Variants in ATP2B2 observed in about 807,000 individuals in gnomAD.
ATP2B2 encodes the protein plasma membrane calcium-transporting ATPase 2.
In ATP2B2, 15 loss-of-function variants were observed where a neutral mutation model predicts 120.0. That is an observed-to-expected ratio of 0.12 (90% confidence interval 0.08 to 0.19). The LOEUF is 0.19. Among genes scored for constraint, ATP2B2 ranks in the 10% least tolerant of loss-of-function variants. ATP2B2 has a pLI of 1.00. For synonymous variants in ATP2B2, 694 were observed against 700.3 expected (o/e 0.99, Z 0.14); for missense variants, 1,045 against 1,719.8 (o/e 0.61, Z 6.94).
chr3:10,648,089 G>A (rs187589472), intron 1 of ATP2B2, among the ~76,000 whole-genome samples: 2 of 152,304 alleles, frequency 1.3e-5, no homozygotes, highest in East Asian at 1.9e-4. Flanking sequence ...GGAGGAGAAG[G>A]TGATTATTGT....
At chr3:10,584,488 ATGGGCGCTTCTGTACCTGG>A (rs2068462263) in intron 2 of ATP2B2, among the ~76,000 whole-genome samples, 1 of 152,056 alleles carries the variant, frequency 6.6e-6, no homozygotes, top group African/African-American at 2.4e-5. Context: ...CCTCACACCC[ATGGGCGCTTCTGTACCTGG>A]TGGTGAACTG....
intron 2 of ATP2B2, among the ~76,000 whole-genome samples, chr3:10,570,818 C>T (rs1033241016): frequency 4.6e-5 from 7 of 152,240 alleles, no homozygotes; most frequent in African/African-American, 1.7e-4. Flanking sequence ...CGCAGCACCT[C>T]AACGCCCTGC....
chr3:10,452,390 G>A (rs2125195354), intron 1 of ATP2B2, among the ~76,000 whole-genome samples: 1 of 152,352 alleles, frequency 6.6e-6, no homozygotes, highest in East Asian at 1.9e-4. Flanking sequence ...CAGGAGGCAA[G>A]GAGAGACCTC....
At chr3:10,612,514 C>A (rs1165263148) in intron 2 of ATP2B2, among the ~76,000 whole-genome samples, 1 of 152,174 alleles carries the variant, frequency 6.6e-6, no homozygotes, top group Non-Finnish European at 1.5e-5. Flanking sequence ...CTGGCCCTTC[C>A]TCTCCCCACT....
chr3:10,393,411 C>T lies in ATP2B2; in HGVS notation c.782-5009G>A, dbSNP rs73113625. Among the ~76,000 whole-genome samples the T allele has an allele frequency of 3.0e-3, 457 of 152,200 alleles. 4 individuals carry two copies. Among genetic ancestry groups the T allele is most frequent in the African/African-American group, 0.01 (433 of 41,500 alleles). ...ATATCTTTTGAGCATTCATGATGTG[C>T]CAAGTTCCATCTGAGCCACTTTTCG... is the stretch of plus-strand genomic sequence containing the variant. On this transcript the variant is annotated intron_variant, in intron 5 of 22. Coordinates refer to ENST00000360273, the MANE Select transcript of ATP2B2 (RefSeq NM_001001331.4).
At chr3:10,573,521 G>C (rs1416004711) in intron 2 of ATP2B2, among the ~76,000 whole-genome samples, 1 of 152,100 alleles carries the variant, frequency 6.6e-6, no homozygotes, top group African/African-American at 2.4e-5. Flanking sequence ...CTCAAATTTT[G>C]GTCAATTTCA....
chr3:10,505,838 G>A (rs1417950826), upstream of ATP2B2, among the ~76,000 whole-genome samples: 1 of 151,458 alleles, frequency 6.6e-6, no homozygotes, highest in African/African-American at 2.4e-5. Context: ...TGTTGTTTGC[G>A]GTTTTAATTC....
chr3:10,378,619 T>A (rs928329331), intron 9 of ATP2B2, among the ~76,000 whole-genome samples: 4 of 152,182 alleles, frequency 2.6e-5, no homozygotes, highest in Non-Finnish European at 5.9e-5. Flanking sequence ...TGGTACTCGC[T>A]GCCTCAGACC....
intron 12 of ATP2B2, 57 bp from the exon 13 acceptor site, chr3:10,360,180 G>C (rs2060857242): frequency 6.6e-7 from 1 of 1,526,028 alleles, no homozygotes; most frequent in East Asian, 2.3e-5. Flanking sequence ...GGGAGCCTCT[G>C]CCCTGGCTGC....
intron 3 of ATP2B2, among the ~76,000 whole-genome samples, chr3:10,533,775 T>C (rs757103863): frequency 5.3e-5 from 8 of 152,210 alleles, no homozygotes; most frequent in African/African-American, 9.6e-5. Flanking sequence ...TTGACAACCA[T>C]CCACCATGTG....
chr3:10,628,895 C>A (rs528373687), intron 1 of ATP2B2, among the ~76,000 whole-genome samples: 1 of 152,334 alleles, frequency 6.6e-6, no homozygotes, highest in East Asian at 1.9e-4. Context: ...TTTTCACCAA[C>A]TGATCAGTAT....
chr3:10,486,324 CGTGTGTGTGTGTGT>C (rs1553616064), intron 1 of ATP2B2, among the ~76,000 whole-genome samples: 2 of 117,086 alleles, frequency 1.7e-5, no homozygotes, highest in East Asian at 4.4e-4. Flanking sequence ...TGTGTGCGTG[CGTGTGTGTGTGTGT>C]GTGTGTGTGT....
At chr3:10,474,325 G>C (rs945368259) in intron 1 of ATP2B2, among the ~76,000 whole-genome samples, 2 of 152,220 alleles carry the variant, frequency 1.3e-5, no homozygotes, top group Non-Finnish European at 2.9e-5. Flanking sequence ...CGTCCAAGTA[G>C]AGATGCCAAG....
chr3:10,378,495 C>A, intron 9 of ATP2B2, 85 bp from the exon 10 acceptor site: 2 of 1,546,918 alleles, frequency 1.3e-6, no homozygotes, highest in Non-Finnish European at 1.8e-6. Flanking sequence ...GACGCTGGCA[C>A]CCACCCCTGC....
intron 16 of ATP2B2, among the ~76,000 whole-genome samples, chr3:10,348,398 G>A (rs1313842797): frequency 6.6e-6 from 1 of 152,196 alleles, no homozygotes; most frequent in Non-Finnish European, 1.5e-5. Flanking sequence ...TTTCTAAAAT[G>A]ATGCTTCTAC....
At chr3:10,423,936 G>A (rs1182431967) in intron 2 of ATP2B2, among the ~76,000 whole-genome samples, 2 of 152,210 alleles carry the variant, frequency 1.3e-5, no homozygotes, top group Non-Finnish European at 2.9e-5. Context: ...GAGCCTGGGT[G>A]GAATATCCCT....
intron 1 of ATP2B2, among the ~76,000 whole-genome samples, chr3:10,687,108 A>G (rs573708877): frequency 2.0e-5 from 3 of 152,334 alleles, no homozygotes; most frequent in African/African-American, 7.2e-5. Context: ...TTGCAACTAC[A>G]TGGAAGGCCT....
intron 2 of ATP2B2, among the ~76,000 whole-genome samples, chr3:10,434,873 CA>C (rs1458064330): frequency 3.9e-5 from 6 of 152,264 alleles, no homozygotes; most frequent in African/African-American, 1.4e-4. Flanking sequence ...GCCCCATTGG[CA>C]GATCAGGTAT....
At chr3:10,358,616 T>C in intron 14 of ATP2B2, 75 bp downstream of exon 14, 1 of 1,411,258 alleles carries the variant, frequency 7.1e-7, no homozygotes, top group Admixed American at 1.8e-5. Flanking sequence ...GTGAAGTGAC[T>C]TACTCCAGGT....
Sources: gnomAD v4.1 joint callset for allele counts (sites outside exome capture counted in the v4.1 genomes callset) on GRCh38, gnomAD v4.1.1 for gene constraint, MANE v1.5 for transcripts, NCBI Gene and HGNC (gene_info 2026-07-23, HGNC 2026-07-21) for gene names.